Variants in DOLPP1 observed in about 807,000 individuals in gnomAD.
The protein encoded by DOLPP1 is dolichyl pyrophosphate phosphatase 1.
In DOLPP1, 15 loss-of-function variants were observed where a neutral mutation model predicts 34.1. The observed-to-expected ratio is 0.44, with a 90% CI of 0.29 to 0.68. DOLPP1 has a LOEUF of 0.68. Ranked by LOEUF, DOLPP1 falls within the 30% of genes least tolerant of loss-of-function variation. The pLI, the probability that DOLPP1 is intolerant of heterozygous loss-of-function variation, is 0.12. For synonymous variants in DOLPP1, 130 were observed against 128.2 expected (o/e 1.01, Z -0.10); for missense variants, 249 against 307.1 (o/e 0.81, Z 1.41).
chr9:129,086,341 C>A (rs1349395591), intron 6 of DOLPP1, 74 bp downstream of exon 6: 1 of 1,563,982 alleles, frequency 6.4e-7, no homozygotes. Context: ...GTGGGCGGAC[C>A]TAGGAGTCTT....
rs763968625 is a variant in DOLPP1, at chr9:129,084,777, G to A, written c.177+9G>A. 9 of 1,600,178 alleles carry A rather than the reference G, an allele frequency of 5.6e-6. No homozygotes were observed. In the Admixed American group the frequency reaches 1.2e-4, roughly 21 times the overall value. On this transcript the variant is annotated intron_variant, in intron 2 of 7. Transcript: ENST00000372546. The stretch of plus-strand genomic sequence containing the variant: ...AGCGGGAGCTGCACACGGTGAGTCT[G>A]TCTTGCCCACACCCTCCCCACCCCA...
rs1052845714 is a variant in DOLPP1, at chr9:129,090,114, G to A, written c.*1107G>A. 6.6e-6 allele frequency: 1 copy of A among 152,652 alleles called. No homozygotes were observed. The highest frequency in any genetic ancestry group is 2.4e-5 in the African/African-American group (1 of 41,448). 9.5% of individuals were successfully genotyped at this position (152,652 alleles called of 1,614,324 possible). A position where few individuals can be genotyped will look rare whatever the true frequency, so the allele number is the denominator to read the frequency against. ...AGGAGACGCCTCCAGACTCTCAGAAGTTTTGAGGACTGAACTGGGTCACTC... is the reference window on the plus strand; with the variant it reads ...AGGAGACGCCTCCAGACTCTCAGAAATTTTGAGGACTGAACTGGGTCACTC... On this transcript the variant is annotated 3_prime_UTR_variant, in exon 8 of 8. Transcript: ENST00000372546.
chr9:129,088,275 C>T (rs546051931), intron 7 of DOLPP1, among the ~76,000 whole-genome samples: 2 of 152,134 alleles, frequency 1.3e-5, no homozygotes, highest in South Asian at 2.1e-4. Flanking sequence ...CTGCACCAGA[C>T]GGAGGCTGCC....
intron 1 of DOLPP1, among the ~76,000 whole-genome samples, chr9:129,083,634 C>A (rs1846930454): frequency 6.6e-6 from 1 of 152,170 alleles, no homozygotes; most frequent in South Asian, 2.1e-4. Flanking sequence ...TGGACCATTT[C>A]CCACACTGGG....
intron 1 of DOLPP1, 155 bp from the exon 2 acceptor site, chr9:129,084,513 C>G (rs1419986534): frequency 2.8e-6 from 2 of 712,028 alleles, no homozygotes; most frequent in Non-Finnish European, 5.1e-6. Flanking sequence ...TGAGTTGGCA[C>G]AATCGGCCGG....
At chr9:129,084,372 G>A (rs925566653) in intron 1 of DOLPP1, among the ~76,000 whole-genome samples, 1 of 152,246 alleles carries the variant, frequency 6.6e-6, no homozygotes, top group Non-Finnish European at 1.5e-5. Flanking sequence ...GTGACCTTGG[G>A]CGAGTCACAT....
In DOLPP1 at chr9:129,085,085, C is replaced by G; in HGVS notation, c.240C>G (p.Ile80Met). 2.5e-6 allele frequency: 4 copies of G among 1,593,232 alleles called. No homozygotes were observed. The highest frequency in any genetic ancestry group is 3.4e-6 in the Non-Finnish European group (4 of 1,169,484). Reference sequence around the variant, plus strand: ...TCAACTGGCTGATCAAAAACGTCATCCAGGAGCCACGGCCCTGTGGAGGTA... The same window carrying G: ...TCAACTGGCTGATCAAAAACGTCATGCAGGAGCCACGGCCCTGTGGAGGTA... ...EGVNWLIKNV[I>M]QEPRPCGGPH... The change falls in exon 3 of 8, where the codon ATC (isoleucine) becomes ATG (methionine). Residue 80 changes from isoleucine (I) to methionine (M), a missense_variant. By Grantham distance (10) the Ile-to-Met change is conservative. Transcript: ENST00000372546. This position sits in a 1 kb window ranked among gnomAD's most constrained non-coding sequence, Gnocchi z 7.0.
chr9:129,081,479 A>G (rs1474194989), intron 1 of DOLPP1, among the ~76,000 whole-genome samples: 4 of 152,008 alleles, frequency 2.6e-5, no homozygotes, highest in Non-Finnish European at 5.9e-5. Flanking sequence ...GGTGGGCTGA[A>G]ATGGGTTGAG....
rs868508095 is a variant in DOLPP1 at position 129,085,413 on chromosome 9, C to T, written c.363-105C>T. ...GCCCCTGGGGTGGGAGGGGCTGCAG[C>T]GGAGGCAGAAGGTACCCAGGGAGCA... On this transcript the variant is annotated intron_variant, in intron 4 of 7. Coordinates refer to ENST00000372546, the MANE Select transcript of DOLPP1 (RefSeq NM_020438.5). The surrounding 1 kb of genome is among the most constrained non-coding windows in gnomAD (Gnocchi z 7.0). 70 of 1,505,926 alleles carry T rather than the reference C, an allele frequency of 4.6e-5. No homozygotes were observed. The Middle Eastern group carries it at 2.7e-3, about 59-fold the overall frequency. 93.3% of individuals were successfully genotyped at this position (1,505,926 alleles called of 1,614,324 possible). A position where few individuals can be genotyped will look rare whatever the true frequency, so the allele number is the denominator to read the frequency against.
At position 129,089,049 on chromosome 9, in the gene DOLPP1, A is replaced by G. The variant is rs1253212583; in HGVS notation, c.*42A>G. 1 of 1,607,230 alleles carries G rather than the reference A, an allele frequency of 6.2e-7. No homozygotes were observed. Among genetic ancestry groups the G allele is most frequent in the Non-Finnish European group, 8.5e-7 (1 of 1,174,420 alleles). On this transcript the variant is annotated 3_prime_UTR_variant, in exon 8 of 8. Coordinates refer to ENST00000372546, the MANE Select transcript of DOLPP1 (RefSeq NM_020438.5). This position sits in a 1 kb window ranked among gnomAD's most constrained non-coding sequence, Gnocchi z 4.9. Reference sequence around the variant, plus strand: ...GGTCCAGCCTCCAGATCTGGCCCGCACGATGCCTTGCAGGATGGACAGGAT... The same window carrying G: ...GGTCCAGCCTCCAGATCTGGCCCGCGCGATGCCTTGCAGGATGGACAGGAT...
At chr9:129,087,615 C>T (rs1432153031) in intron 7 of DOLPP1, among the ~76,000 whole-genome samples, 1 of 151,886 alleles carries the variant, frequency 6.6e-6, no homozygotes, top group Non-Finnish European at 1.5e-5. Flanking sequence ...CTCGCCCGGC[C>T]GAAGGCCGGC....
In DOLPP1 at chr9:129,081,225, C is replaced by G; in HGVS notation, c.76+18C>G. 1.2e-6 allele frequency: 2 copies of G among 1,606,518 alleles called. No individual in the cohort carries two copies. The highest frequency in any genetic ancestry group is 1.7e-6 in the Non-Finnish European group (2 of 1,178,900). ...TCCTGCAGGTAAAAGGCGGTCCCGG[C>G]TCCAAGGACGCCTTCCCAGGGACGG... On this transcript the variant is annotated intron_variant, in intron 1 of 7. Transcript: ENST00000372546.
At chr9:129,082,555 C>T (rs998614315) in intron 1 of DOLPP1, among the ~76,000 whole-genome samples, 1 of 152,212 alleles carries the variant, frequency 6.6e-6, no homozygotes, top group Non-Finnish European at 1.5e-5. Context: ...CCCCTCCTGG[C>T]CTCAGAGTAG....
Position 129,085,337 on chromosome 9 carries a change from G to C in DOLPP1, c.362+31G>C. 6.3e-7 allele frequency: 1 copy of C among 1,598,482 alleles called. No individual in the cohort carries two copies. The highest frequency in any genetic ancestry group is 8.6e-7 in the Non-Finnish European group (1 of 1,166,012). On this transcript the variant is annotated intron_variant, in intron 4 of 7. Transcript: ENST00000372546. The surrounding 1 kb of genome is among the most constrained non-coding windows in gnomAD (Gnocchi z 7.0). Reference sequence around the variant, plus strand: ...TTTCCACCCCGGTCAGGATGGCCCTGAACTTGCTCAGGCCGAGTTCTGCTA... The same window carrying C: ...TTTCCACCCCGGTCAGGATGGCCCTCAACTTGCTCAGGCCGAGTTCTGCTA...
chr9:129,082,009 G>A (rs1269302200), intron 1 of DOLPP1, among the ~76,000 whole-genome samples: 1 of 152,252 alleles, frequency 6.6e-6, no homozygotes, highest in Non-Finnish European at 1.5e-5. Flanking sequence ...GATGGTATGA[G>A]CATCAAATAG....
rs756304546 is a variant in DOLPP1 at position 129,084,798 on chromosome 9, C to T, written c.177+30C>T. ...GTCTGTCTTGCCCACACCCTCCCCA[C>T]CCCACCCCCAGTGCCCCCACCCTGC... On this transcript the variant is annotated intron_variant, in intron 2 of 7. Transcript: ENST00000372546. The T allele has an allele frequency of 6.0e-6, 9 of 1,504,840 alleles. 1 individual carries two copies. The South Asian group carries it at 9.0e-5, about 15-fold the overall frequency. The allele number at this position is 1,504,840 out of a possible 1,614,324, so 93.2% of individuals were successfully genotyped here.
At chr9:129,086,378 G>T in intron 6 of DOLPP1, 111 bp downstream of exon 6, 1 of 1,365,998 alleles carries the variant, frequency 7.3e-7, no homozygotes, top group Non-Finnish European at 1.0e-6. Flanking sequence ...TCCCTGGGAA[G>T]GCCCCAGTGC....
rs777957947 is a variant in DOLPP1 at position 129,086,149 on chromosome 9, C to T, written c.472C>T (p.Leu158=). ...FLVSYSRVYL[L]YHTWSQVLYG... is the part of the protein sequence containing the mutation. ...CTGGCCTTGGCCCAGGGTCTACCTG[C>T]TGTACCACACCTGGAGCCAGGTGCT... Residue 158 remains leucine (L), a synonymous_variant, in exon 6 of 8, where the codon CTG becomes TTG. Coordinates refer to ENST00000372546, the MANE Select transcript of DOLPP1 (RefSeq NM_020438.5). 19 of 1,613,276 alleles carry T rather than the reference C, an allele frequency of 1.2e-5. No individual in the cohort carries two copies. The highest frequency in any genetic ancestry group is 1.4e-5 in the Non-Finnish European group (17 of 1,179,780).
At position 129,086,784 on chromosome 9, in the gene DOLPP1, C is replaced by T. The variant is rs139017971; in HGVS notation, c.666C>T (p.Thr222=). 1,431 of 1,613,614 alleles carry T rather than the reference C, an allele frequency of 8.9e-4. 10 individuals are homozygous for T. In the African/African-American group the frequency reaches 0.016, roughly 18 times the overall value. Residue 222 remains threonine (T), a synonymous_variant, in exon 7 of 8, where the codon ACC becomes ACT. Transcript: ENST00000372546. The part of the protein sequence containing the change: ...PNVLWFEYTV[T]RAEARNRQRK... ...TACTCTGGTTTGAGTACACGGTAAC[C>T]CGGGCAGAAGCCAGGTGAGTTCAGG... is the stretch of plus-strand genomic sequence containing the variant.
Sources: allele counts gnomAD v4.1 joint callset (sites outside exome capture counted in the v4.1 genomes callset), GRCh38; gene constraint gnomAD v4.1.1; non-coding constraint Gnocchi (gnomAD v3.1); transcripts MANE v1.5; gene names NCBI Gene and HGNC (gene_info 2026-07-23, HGNC 2026-07-21).